Variants in VPS13B observed in about 807,000 individuals in gnomAD.
VPS13B encodes the protein intermembrane lipid transfer protein VPS13B.
In VPS13B, 285 loss-of-function variants were observed where a neutral mutation model predicts 426.4. The observed-to-expected ratio is 0.67, with a 90% CI of 0.61 to 0.74. The LOEUF is 0.74. Ranked by LOEUF, VPS13B falls within the 30% of genes least tolerant of loss-of-function variation. VPS13B has a pLI of 0.00. For synonymous variants in VPS13B, 1,676 were observed against 1,676.4 expected (o/e 1.00, Z 0.01); for missense variants, 4,537 against 4,782.6 (o/e 0.95, Z 1.51).
intron 19 of VPS13B, among the ~76,000 whole-genome samples, chr8:99,371,934 A>T (rs1373921735): frequency 2.0e-5 from 3 of 152,164 alleles, no homozygotes. Context: ...AACCTAGGCA[A>T]TACCATTCAG....
intron 30 of VPS13B, among the ~76,000 whole-genome samples, chr8:99,531,376 G>A (rs561268362): frequency 1.3e-5 from 2 of 152,188 alleles, no homozygotes; most frequent in Admixed American, 1.3e-4. Context: ...CATAGATGTT[G>A]TATCTGATTA....
At position 99,015,361 on chromosome 8, in the gene VPS13B, C is replaced by T. The variant is rs551197068; in HGVS notation, c.147+1426C>T. On this transcript the variant is annotated intron_variant, in intron 2 of 61. Coordinates refer to ENST00000357162, the MANE Select transcript of VPS13B (RefSeq NM_152564.5). ...CCTCCTGAGTAGTTGGGATTACAGG[C>T]GCCCGCCACCACGCCTGGCTAATTT... Among the ~76,000 whole-genome samples, 13 of 151,452 alleles carry T rather than the reference C, an allele frequency of 8.6e-5. No homozygotes were observed. The South Asian group carries it at 1.7e-3, about 19-fold the overall frequency.
intron 42 of VPS13B, among the ~76,000 whole-genome samples, chr8:99,779,317 T>C (rs1811896706): frequency 6.6e-6 from 1 of 152,210 alleles, no homozygotes; most frequent in Non-Finnish European, 1.5e-5. Flanking sequence ...TTCCCAGAAA[T>C]TTTTTCCAAG....
chr8:99,213,577 T>A (rs2132805616), intron 17 of VPS13B, among the ~76,000 whole-genome samples: 1 of 152,312 alleles, frequency 6.6e-6, no homozygotes, highest in South Asian at 2.1e-4. Context: ...ATACATACTT[T>A]TCTCTTCTCT....
intron 19 of VPS13B, among the ~76,000 whole-genome samples, chr8:99,326,498 T>C (rs977468047): frequency 9.8e-5 from 11 of 112,094 alleles, no homozygotes; most frequent in Admixed American, 9.5e-4. Flanking sequence ...AGAATCTTGC[T>C]CTGTTGCCTA....
At chr8:99,024,231 C>T (rs1315454791) in intron 2 of VPS13B, among the ~76,000 whole-genome samples, 3 of 152,166 alleles carry the variant, frequency 2.0e-5, no homozygotes, top group Admixed American at 2.0e-4. Context: ...AGAGCAATTG[C>T]CTATTTTAAA....
intron 50 of VPS13B, 123 bp from the exon 51 acceptor site, chr8:99,823,709 A>G (rs1454397939): frequency 1.9e-6 from 2 of 1,049,780 alleles, no homozygotes; most frequent in Non-Finnish European, 2.9e-6. Context: ...CTGGGGAAAA[A>G]CAAAGGTAAA....
Position 99,784,437 on chromosome 8 carries a change from C to T in VPS13B, c.7902C>T (p.His2634=), listed in dbSNP as rs1440015080. The T allele has an allele frequency of 6.2e-7, 1 of 1,613,708 alleles. No individual in the cohort carries two copies. Among genetic ancestry groups the T allele is most frequent in the East Asian group, 2.2e-5 (1 of 44,878 alleles). ...TDENILLASL[H]SHQYSWRSHK... ...AAAATATTCTGCTGGCGAGTCTCCACAGTCACCAGTACAGCTGGCGCTCTC... is the reference window on the plus strand; with the variant it reads ...AAAATATTCTGCTGGCGAGTCTCCATAGTCACCAGTACAGCTGGCGCTCTC... Residue 2634 remains histidine (H), a synonymous_variant, in exon 43 of 62, where the codon CAC becomes CAT. Transcript: ENST00000357162.
intron 48 of VPS13B, 82 bp downstream of exon 48, chr8:99,819,664 A>G: frequency 6.8e-7 from 1 of 1,466,852 alleles, no homozygotes; most frequent in Non-Finnish European, 9.4e-7. Flanking sequence ...AAATACCATA[A>G]GTGGTGTGTG....
At chr8:99,180,856 G>C (rs1812909201) in intron 16 of VPS13B, among the ~76,000 whole-genome samples, 1 of 152,120 alleles carries the variant, frequency 6.6e-6, no homozygotes, top group Admixed American at 6.5e-5. Flanking sequence ...CTTAATAGTA[G>C]AGAAGTAAAG....
At chr8:99,747,215 C>A (rs966299160) in intron 39 of VPS13B, among the ~76,000 whole-genome samples, 27 of 149,720 alleles carry the variant, frequency 1.8e-4, no homozygotes, top group Non-Finnish European at 1.5e-4. Flanking sequence ...TTACAAAATA[C>A]AGATGTCTGT....
In VPS13B at chr8:99,156,599, G is replaced by A; in HGVS notation, c.2064G>A (p.Leu688=). Residue 688 remains leucine (L), a synonymous_variant, in exon 15 of 62, where the codon TTG becomes TTA. Transcript: ENST00000357162. ...CAAACTTCCAGTCTCTTCGGCCTTT[G>A]CCATCCATTCGAATATTGGTGGATA... The part of the protein sequence containing the change: ...NTTNFQSLRP[L]PSIRILVDKI... 1 of 1,614,064 alleles carries A rather than the reference G, an allele frequency of 6.2e-7. No homozygotes were observed.
chr8:99,417,833 C>T (rs995315577), intron 21 of VPS13B, among the ~76,000 whole-genome samples: 8 of 151,910 alleles, frequency 5.3e-5, no homozygotes, highest in African/African-American at 1.9e-4. Flanking sequence ...TCCTGCCTTG[C>T]CCCATGACTT....
chr8:99,835,652 C>G lies in VPS13B; in HGVS notation c.9856C>G (p.Pro3286Ala), dbSNP rs1203805675. The G allele has an allele frequency of 1.2e-6, 2 of 1,614,020 alleles. No homozygotes were observed. The highest frequency in any genetic ancestry group is 2.2e-5 in the East Asian group (1 of 44,886). ...GGACTGCAAGACCAAAGACTTACTTCCAAGCCTACTTTTGAGAGTTGAACC... is the reference window on the plus strand; with the variant it reads ...GGACTGCAAGACCAAAGACTTACTTGCAAGCCTACTTTTGAGAGTTGAACC... The part of the protein sequence containing the change: ...YPDCKTKDLL[P>A]SLLLRVEPLD... Residue 3286 changes from proline (P) to alanine (A), a missense_variant, in exon 54 of 62, where the codon CCA becomes GCA. Around this residue, in one of 2 missense-constraint regions of VPS13B, gnomAD observed 4,311 missense variants for 4,474.3 expected, o/e 0.96. Coordinates refer to ENST00000357162, the MANE Select transcript of VPS13B (RefSeq NM_152564.5).
chr8:99,733,879 C>T (rs1833703050), intron 39 of VPS13B, among the ~76,000 whole-genome samples: 1 of 152,164 alleles, frequency 6.6e-6, no homozygotes, highest in Non-Finnish European at 1.5e-5. Flanking sequence ...ATATAATTCA[C>T]ACATCATACA....
Position 99,384,255 on chromosome 8 carries a change from C to A in VPS13B, c.2872C>A (p.Pro958Thr). 2 of 1,613,734 alleles carry A rather than the reference C, an allele frequency of 1.2e-6. No homozygotes were observed. The highest frequency in any genetic ancestry group is 1.7e-6 in the Non-Finnish European group (2 of 1,179,890). ...SIQGLAVNID[P>T]ILYTWLIYQP... ...ACAAGGACTAGCAGTTAATATTGAC[C>A]CAATCTTATATACGTGGCTCATCTA... The change falls in exon 20 of 62, where the codon CCA becomes ACA. Residue 958 changes from proline (P) to threonine (T), a missense_variant. By Grantham distance (38) the Pro-to-Thr change is conservative (BLOSUM62 -1). Around this residue, in one of 2 missense-constraint regions of VPS13B, gnomAD observed 4,311 missense variants for 4,474.3 expected, o/e 0.96. Transcript: ENST00000357162.
In VPS13B at chr8:99,853,343, T is replaced by C. The variant is rs550899525; in HGVS notation, c.10062-108T>C. ...TTCTTATTTGTTTCTTATGAGAATC[T>C]GATGTCCCATCAGGAGGTATTTAAT... On this transcript the variant is annotated intron_variant, in intron 55 of 61. Transcript: ENST00000357162. 39 of 1,125,832 alleles carry C rather than the reference T, an allele frequency of 3.5e-5. No individual in the cohort carries two copies. In the East Asian group the frequency reaches 9.4e-4, roughly 27 times the overall value. The allele number at this position is 1,125,832 out of a possible 1,614,324, so 69.7% of individuals were successfully genotyped here.
At chr8:99,515,169 G>T (rs1821990783) in intron 29 of VPS13B, among the ~76,000 whole-genome samples, 1 of 152,176 alleles carries the variant, frequency 6.6e-6, no homozygotes, top group African/African-American at 2.4e-5. Flanking sequence ...GGAAAAAAAA[G>T]AACAACTTTA....
chr8:99,330,328 A>G (rs1810483507), intron 19 of VPS13B, among the ~76,000 whole-genome samples: 1 of 151,826 alleles, frequency 6.6e-6, no homozygotes, highest in South Asian at 2.1e-4. Flanking sequence ...GAGGCCAGTG[A>G]TGGGGGTATG....
Sources: allele counts gnomAD v4.1 joint callset (sites outside exome capture counted in the v4.1 genomes callset), GRCh38; gene constraint gnomAD v4.1.1; regional missense constraint gnomAD v4.1.1; transcripts MANE v1.5; gene names NCBI Gene and HGNC (gene_info 2026-07-23, HGNC 2026-07-21).